The following SPOCK3 variants were observed in gnomAD, a reference collection of about 807,000 sequenced individuals.
The protein encoded by SPOCK3 is SPARC (osteonectin), cwcv and kazal like domains proteoglycan 3, also known as testican-3.
Under a neutral mutation model 56.6 loss-of-function variants are expected in SPOCK3, and 30 were observed. The ratio of observed to expected loss-of-function variants is 0.53; its 90% CI spans 0.40 to 0.72. SPOCK3 has a LOEUF of 0.72. Ranked by LOEUF, SPOCK3 falls within the 30% of genes least tolerant of loss-of-function variation. The pLI is 0.00. For missense variants in SPOCK3, 527 were observed against 530.0 expected (o/e 0.99, Z 0.06); for synonymous variants, 196 against 183.3 (o/e 1.07, Z -0.56).
At chr4:166,842,556 C>T (rs140674229) in intron 6 of SPOCK3, among the ~76,000 whole-genome samples, 29 of 152,318 alleles carry the variant, frequency 1.9e-4, no homozygotes, top group African/African-American at 6.0e-4. Flanking sequence ...GTTTACAAAC[C>T]TTGAGCTAGA....
chr4:166,939,581 AAG>A (rs1248691322), intron 4 of SPOCK3, among the ~76,000 whole-genome samples: 1 of 152,174 alleles, frequency 6.6e-6, no homozygotes, highest in Non-Finnish European at 1.5e-5. Flanking sequence ...GATCTGCAGG[AAG>A]AGAAGTTATT....
chr4:166,877,874 G>A (rs1038293619), intron 6 of SPOCK3, among the ~76,000 whole-genome samples: 2 of 152,072 alleles, frequency 1.3e-5, no homozygotes, highest in Non-Finnish European at 2.9e-5. Context: ...TACTTTACAA[G>A]AAATGCACAG....
chr4:167,113,472 C>A, intron 2 of SPOCK3, among the ~76,000 whole-genome samples: 1 of 151,904 alleles, frequency 6.6e-6, no homozygotes, highest in East Asian at 1.9e-4. Flanking sequence ...AAAAAACTAT[C>A]CCAGCTACTC....
At chr4:167,040,675 T>A (rs1468677803) in intron 3 of SPOCK3, among the ~76,000 whole-genome samples, 2 of 152,108 alleles carry the variant, frequency 1.3e-5, no homozygotes, top group Non-Finnish European at 2.9e-5. Flanking sequence ...TAGTGAAAAA[T>A]CACTATTCTT....
In SPOCK3 at chr4:167,050,255, C is replaced by T. The variant is rs578233820; in HGVS notation, c.235+12237G>A. Among the ~76,000 whole-genome samples, 26 of 152,230 alleles carry T rather than the reference C, an allele frequency of 1.7e-4. 1 individual carries two copies. In the South Asian group the frequency reaches 2.1e-3, roughly 12 times the overall value. ...TTTCTACACAAAATTCTCAGTACTA[C>T]TAAAGAAAATGACAGAAATGAATTA... On this transcript the variant is annotated intron_variant, in intron 3 of 10. Transcript: ENST00000357545.
intron 3 of SPOCK3, among the ~76,000 whole-genome samples, chr4:167,042,994 CTCTT>C (rs1191558793): frequency 2.6e-5 from 4 of 152,048 alleles, no homozygotes; most frequent in Admixed American, 6.6e-5. Flanking sequence ...CACTGGTTCT[CTCTT>C]CAATAGCAAC....
intron 6 of SPOCK3, among the ~76,000 whole-genome samples, chr4:166,831,389 G>A (rs1042880713): frequency 5.9e-5 from 9 of 152,096 alleles, no homozygotes; most frequent in Non-Finnish European, 8.8e-5. Context: ...GTTAGAACCT[G>A]CCAGTGAAGA....
Position 167,207,093 on chromosome 4 carries a change from A to T in SPOCK3, c.189+26892T>A, listed in dbSNP as rs368846634. Among the ~76,000 whole-genome samples the T allele has an allele frequency of 3.3e-5, 5 of 152,262 alleles. No individual in the cohort carries two copies. The South Asian group carries it at 1.0e-3, about 32-fold the overall frequency. ...TGCACAACTATTACGTGTCAACTAT[A>T]AAAATTAAATTAAATTTTATAAAAA... On this transcript the variant is annotated intron_variant, in intron 2 of 10. Coordinates refer to ENST00000357545, the MANE Select transcript of SPOCK3 (RefSeq NM_001040159.2).
At chr4:166,765,368 A>G (rs1300673954) in intron 7 of SPOCK3, among the ~76,000 whole-genome samples, 1 of 152,102 alleles carries the variant, frequency 6.6e-6, no homozygotes, top group Non-Finnish European at 1.5e-5. Context: ...TTTGTATAAG[A>G]CATAAGGAAG....
chr4:167,165,670 T>G (rs1158794723), intron 2 of SPOCK3, among the ~76,000 whole-genome samples: 1 of 152,004 alleles, frequency 6.6e-6, no homozygotes, highest in Non-Finnish European at 1.5e-5. Flanking sequence ...AAAATATACA[T>G]AAACCAAAAA....
At chr4:166,922,636 G>A (rs1023417981) in intron 4 of SPOCK3, among the ~76,000 whole-genome samples, 2 of 151,998 alleles carry the variant, frequency 1.3e-5, no homozygotes, top group Non-Finnish European at 2.9e-5. Flanking sequence ...TCCTTATGCT[G>A]TTTCTCTAAT....
intron 3 of SPOCK3, among the ~76,000 whole-genome samples, chr4:167,039,436 T>C (rs907329507): frequency 3.3e-5 from 5 of 152,158 alleles, no homozygotes; most frequent in Admixed American, 1.3e-4. Flanking sequence ...AAATCAATTA[T>C]TAAGTGTAAT....
intron 2 of SPOCK3, among the ~76,000 whole-genome samples, chr4:167,085,292 T>A (rs1032198417): frequency 6.6e-6 from 1 of 151,018 alleles, no homozygotes. Context: ...GAAAAAAAAA[T>A]GCCCAAACAG....
chr4:166,807,636 C>T (rs1296287300), intron 6 of SPOCK3, among the ~76,000 whole-genome samples: 1 of 152,120 alleles, frequency 6.6e-6, no homozygotes, highest in Non-Finnish European at 1.5e-5. Context: ...TTTGATTAAA[C>T]TCGTTTCTGC....
At chr4:166,793,598 G>C (rs1741583400) in intron 6 of SPOCK3, among the ~76,000 whole-genome samples, 1 of 152,146 alleles carries the variant, frequency 6.6e-6, no homozygotes, top group Non-Finnish European at 1.5e-5. Context: ...TAAATTAAAA[G>C]GAATCCCCCA....
intron 2 of SPOCK3, among the ~76,000 whole-genome samples, chr4:167,145,270 A>G (rs1763851854): frequency 6.6e-6 from 1 of 152,122 alleles, no homozygotes; most frequent in Admixed American, 6.6e-5. Flanking sequence ...GTAGCTGGGC[A>G]GGCAGGAAGA....
intron 2 of SPOCK3, among the ~76,000 whole-genome samples, chr4:167,087,882 G>A (rs1758342847): frequency 6.6e-6 from 1 of 152,014 alleles, no homozygotes; most frequent in South Asian, 2.1e-4. Context: ...TCAGAATTGT[G>A]CTTAATAAAA....
chr4:167,042,730 A>G (rs1753339617), intron 3 of SPOCK3, among the ~76,000 whole-genome samples: 1 of 152,256 alleles, frequency 6.6e-6, no homozygotes, highest in Non-Finnish European at 1.5e-5. Flanking sequence ...GAACATCTTC[A>G]AAAATGATCA....
rs979009757 is a variant in SPOCK3 at position 166,864,802 on chromosome 4, C to CA, written c.589+24327dup. On this transcript the variant is annotated intron_variant, in intron 6 of 10. Coordinates refer to ENST00000357545, the MANE Select transcript of SPOCK3 (RefSeq NM_001040159.2). The stretch of plus-strand genomic sequence containing the variant: ...GAGGCAGTAATTAATAGCCTACCAA[C>CA]AAAAAAAAAGCTCAGGACCAGATGG... 1.0e-3 allele frequency among the ~76,000 whole-genome samples: 158 copies of CA among 150,650 alleles called. 1 individual carries two copies. Among genetic ancestry groups the CA allele is most frequent in the Middle Eastern group, 6.8e-3 (2 of 292 alleles).
Sources: allele counts gnomAD v4.1 joint callset (sites outside exome capture counted in the v4.1 genomes callset), GRCh38; gene constraint gnomAD v4.1.1; transcripts MANE v1.5; gene names NCBI Gene and HGNC (gene_info 2026-07-23, HGNC 2026-07-21).